Variants in PDE1A observed in about 807,000 individuals in gnomAD.
The protein encoded by PDE1A is phosphodiesterase 1A.
Under a neutral mutation model 61.7 loss-of-function variants are expected in PDE1A, and 35 were observed. The observed-to-expected ratio is 0.57, with a 90% CI of 0.43 to 0.75. The LOEUF is 0.75. Ranked by LOEUF, PDE1A falls within the 30% of genes least tolerant of loss-of-function variation. The pLI is 0.00. For synonymous variants in PDE1A, 232 were observed against 213.2 expected (o/e 1.09, Z -0.77); for missense variants, 597 against 630.6 (o/e 0.95, Z 0.57).
At chr2:182,626,870 TACATATATATATACAC>T in the PDE1A span, among the ~76,000 whole-genome samples, 1 of 50,206 alleles carries the variant, frequency 2.0e-5, no homozygotes, top group Non-Finnish European at 3.7e-5. Flanking sequence ...CATATATATA[TACATATATATATACAC>T]ATATATATAT....
downstream of PDE1A, among the ~76,000 whole-genome samples, chr2:182,146,295 G>A (rs1690491695): frequency 6.6e-6 from 1 of 152,096 alleles, no homozygotes. Context: ...AACCATAGAT[G>A]CACATGTTCA....
the PDE1A span, among the ~76,000 whole-genome samples, chr2:182,669,806 A>G: frequency 6.6e-6 from 1 of 152,354 alleles, no homozygotes; most frequent in East Asian, 1.9e-4. Context: ...GCATACCCTG[A>G]AAATGCTCCC....
At chr2:182,231,917 A>AAAAG (rs887931132) in intron 4 of PDE1A, among the ~76,000 whole-genome samples, 1 of 152,184 alleles carries the variant, frequency 6.6e-6, no homozygotes, top group South Asian at 2.1e-4. Flanking sequence ...TCCATCTCCA[A>AAAAG]AAAGAAAGAA....
At chr2:182,224,517 C>A (rs2125612788) in intron 6 of PDE1A, among the ~76,000 whole-genome samples, 1 of 151,788 alleles carries the variant, frequency 6.6e-6, no homozygotes, top group African/African-American at 2.4e-5. Flanking sequence ...GTGCAATTAA[C>A]TTCAATAATG....
the PDE1A span, among the ~76,000 whole-genome samples, chr2:182,597,170 A>T: frequency 0.017 from 2,399 of 142,096 alleles, 28 homozygotes; most frequent in Middle Eastern, 0.031. Context: ...AAAAAAAAAA[A>T]TTTTTTTTTT....
At chr2:182,186,123 T>A in intron 12 of PDE1A, 44 bp from the exon 13 acceptor site, 3 of 1,587,166 alleles carry the variant, frequency 1.9e-6, no homozygotes, top group Non-Finnish European at 2.6e-6. Flanking sequence ...CATCAGGATA[T>A]GGGGTGAACA....
intron 1 of PDE1A, among the ~76,000 whole-genome samples, chr2:182,351,959 CA>C (rs1250354827): frequency 2.6e-5 from 4 of 152,140 alleles, no homozygotes; most frequent in African/African-American, 9.7e-5. Flanking sequence ...GAAATATGCA[CA>C]CATACCCACC....
intron 1 of PDE1A, among the ~76,000 whole-genome samples, chr2:182,265,917 T>C (rs1692603874): frequency 6.6e-6 from 1 of 152,140 alleles, no homozygotes; most frequent in Admixed American, 6.6e-5. Flanking sequence ...GGCACTCCCT[T>C]AGAGATAATT....
chr2:182,663,116 C>G, the PDE1A span, among the ~76,000 whole-genome samples: 5 of 152,094 alleles, frequency 3.3e-5, 1 homozygote, highest in South Asian at 1.0e-3. Context: ...AAATGCAAAT[C>G]AAAATCACAA....
chr2:182,569,753 A>G, the PDE1A span, among the ~76,000 whole-genome samples: 1 of 152,186 alleles, frequency 6.6e-6, no homozygotes, highest in Non-Finnish European at 1.5e-5. Context: ...TGGAGCTAAC[A>G]ATTAACAATC....
chr2:182,423,967 TG>T (rs1703443386), intron 1 of PDE1A, among the ~76,000 whole-genome samples: 1 of 146,190 alleles, frequency 6.8e-6, no homozygotes, highest in Non-Finnish European at 1.5e-5. Context: ...TTTTTTTTGA[TG>T]GGGTCTCACT....
the PDE1A span, among the ~76,000 whole-genome samples, chr2:182,529,084 G>A: frequency 0.75 from 114,619 of 152,074 alleles, 45,868 homozygotes; most frequent in East Asian, 0.99. Flanking sequence ...GAGGGCCACC[G>A]TCCTCCAGAC....
the PDE1A span, among the ~76,000 whole-genome samples, chr2:182,684,469 A>T: frequency 2.6e-5 from 4 of 152,228 alleles, no homozygotes; most frequent in Non-Finnish European, 5.9e-5. Flanking sequence ...ACAAATCCAA[A>T]CTGCAAGCCT....
the PDE1A span, among the ~76,000 whole-genome samples, chr2:182,633,171 TA>T: frequency 2.6e-5 from 4 of 152,190 alleles, no homozygotes; most frequent in South Asian, 8.3e-4. Context: ...CAGGTCAGCA[TA>T]AAATGGGTAA....
the PDE1A span, among the ~76,000 whole-genome samples, chr2:182,715,319 G>T: frequency 6.6e-6 from 1 of 152,152 alleles, no homozygotes; most frequent in Non-Finnish European, 1.5e-5. Context: ...ACCAGTTCCT[G>T]AGACATATTA....
intron 2 of PDE1A, among the ~76,000 whole-genome samples, chr2:182,463,946 A>T (rs1322774403): frequency 6.6e-6 from 1 of 152,184 alleles, no homozygotes; most frequent in African/African-American, 2.4e-5. Flanking sequence ...AACTTCTGGC[A>T]AGGATATGAA....
intron 6 of PDE1A, among the ~76,000 whole-genome samples, chr2:182,229,045 C>T (rs1689359618): frequency 6.6e-6 from 1 of 152,096 alleles, no homozygotes; most frequent in African/African-American, 2.4e-5. Context: ...CCTTATAATT[C>T]TGAGGGTAAA....
intron 13 of PDE1A, chr2:182,168,314 A>G: frequency 6.4e-7 from 1 of 1,555,944 alleles, no homozygotes; most frequent in Non-Finnish European, 8.7e-7. Flanking sequence ...AAGCGTACTT[A>G]TTTTAATAAT....
intron 1 of PDE1A, among the ~76,000 whole-genome samples, chr2:182,419,734 G>C (rs1380762031): frequency 6.6e-6 from 1 of 152,110 alleles, no homozygotes; most frequent in Non-Finnish European, 1.5e-5. Flanking sequence ...GCTAGATCCT[G>C]TTTAGTGTTT....
Sources: allele counts gnomAD v4.1 joint callset (sites outside exome capture counted in the v4.1 genomes callset), GRCh38; gene constraint gnomAD v4.1.1; transcripts MANE v1.5; gene names NCBI Gene and HGNC (gene_info 2026-07-23, HGNC 2026-07-21).